REDIC1: variants seen among roughly 807,000 people sequenced by gnomAD.
REDIC1 encodes regulator of DNA class I crossover intermediates 1.
chr12:39,643,827 G>A, the REDIC1 span: 1 of 1,560,722 alleles, frequency 6.4e-7, no homozygotes, highest in South Asian at 1.1e-5. Flanking sequence ...ATCACTGGGA[G>A]TTTTATCTCC....
chr12:39,828,589 TTAC>T, the REDIC1 span, among the ~76,000 whole-genome samples: 1 of 152,164 alleles, frequency 6.6e-6, no homozygotes, highest in African/African-American at 2.4e-5. Flanking sequence ...TAGTGTCTCT[TTAC>T]TACTTAGTAG....
chr12:39,825,875 ATTAATT>A, the REDIC1 span, among the ~76,000 whole-genome samples: 1 of 152,024 alleles, frequency 6.6e-6, no homozygotes, highest in African/African-American at 2.4e-5. Flanking sequence ...CTGTTTAGTT[ATTAATT>A]TTAACATCTT....
At chr12:39,777,451 T>TA in the REDIC1 span, among the ~76,000 whole-genome samples, 1 of 152,058 alleles carries the variant, frequency 6.6e-6, no homozygotes, top group Non-Finnish European at 1.5e-5. Flanking sequence ...CTTTAAATGA[T>TA]ATGGAAGGGA....
At chr12:39,646,970 G>A in the REDIC1 span, 2 of 961,080 alleles carry the variant, frequency 2.1e-6, 1 homozygote, top group South Asian at 3.3e-5. Context: ...GAATACTGGA[G>A]AAAATTATTT....
chr12:39,883,673 T>C, the REDIC1 span, among the ~76,000 whole-genome samples: 1 of 152,226 alleles, frequency 6.6e-6, no homozygotes, highest in African/African-American at 2.4e-5. Flanking sequence ...GTAATGGCCT[T>C]AAAGGTTCAC....
At chr12:39,778,321 C>T in the REDIC1 span, among the ~76,000 whole-genome samples, 1 of 152,198 alleles carries the variant, frequency 6.6e-6, no homozygotes, top group Admixed American at 6.5e-5. Context: ...TGCCCATGTG[C>T]CACCTAGCTG....
the REDIC1 span, among the ~76,000 whole-genome samples, chr12:39,724,273 A>G: frequency 6.6e-6 from 1 of 152,138 alleles, no homozygotes; most frequent in Non-Finnish European, 1.5e-5. Context: ...TAGCATCGAT[A>G]TTGGTTGGGA....
At chr12:39,776,451 G>T in the REDIC1 span, among the ~76,000 whole-genome samples, 1 of 152,172 alleles carries the variant, frequency 6.6e-6, no homozygotes, top group Non-Finnish European at 1.5e-5. Context: ...CTTGGCAAGG[G>T]GTGGGTGCTG....
the REDIC1 span, among the ~76,000 whole-genome samples, chr12:39,801,730 C>T: frequency 6.6e-6 from 1 of 152,114 alleles, no homozygotes; most frequent in Non-Finnish European, 1.5e-5. Context: ...GATTCAGTTT[C>T]CTCATCTATA....
chr12:39,895,709 C>CACACATATGTATATGCGTGTATACGT, the REDIC1 span, among the ~76,000 whole-genome samples: 1 of 141,264 alleles, frequency 7.1e-6, no homozygotes, highest in African/African-American at 2.6e-5. Flanking sequence ...TGTATACGTA[C>CACACATATGTATATGCGTGTATACGT]ACACATATGT....
the REDIC1 span, among the ~76,000 whole-genome samples, chr12:39,711,558 T>A: frequency 4.7e-5 from 2 of 42,322 alleles, no homozygotes; most frequent in Non-Finnish European, 7.4e-5. Flanking sequence ...TGCATACACA[T>A]GCATGTGTAT....
the REDIC1 span, among the ~76,000 whole-genome samples, chr12:39,735,052 A>G: frequency 3.3e-5 from 5 of 152,244 alleles, no homozygotes; most frequent in African/African-American, 1.2e-4. Flanking sequence ...GAGAAACATG[A>G]AAGTTATTTT....
At chr12:39,856,948 C>T in the REDIC1 span, among the ~76,000 whole-genome samples, 3 of 152,170 alleles carry the variant, frequency 2.0e-5, no homozygotes, top group Admixed American at 6.5e-5. Context: ...ATACACCAGA[C>T]GCTGATTCCA....
At chr12:39,811,290 C>T in the REDIC1 span, among the ~76,000 whole-genome samples, 4 of 151,956 alleles carry the variant, frequency 2.6e-5, no homozygotes, top group Non-Finnish European at 5.9e-5. Context: ...TCATCTATTG[C>T]TTTTACATTT....
At chr12:39,828,837 G>A in the REDIC1 span, among the ~76,000 whole-genome samples, 2 of 151,098 alleles carry the variant, frequency 1.3e-5, no homozygotes, top group Non-Finnish European at 3.0e-5. Context: ...TATAAACTGA[G>A]TATTTTTAAA....
chr12:39,669,339 G>T, the REDIC1 span, among the ~76,000 whole-genome samples: 1 of 152,208 alleles, frequency 6.6e-6, no homozygotes, highest in African/African-American at 2.4e-5. Flanking sequence ...GTTTGCCTGG[G>T]TATCAGCAGG....
chr12:39,852,224 C>T, the REDIC1 span, among the ~76,000 whole-genome samples: 2 of 152,238 alleles, frequency 1.3e-5, no homozygotes. Context: ...CAAACTGAGT[C>T]CATAAGGGAG....
At chr12:39,863,157 C>T in the REDIC1 span, among the ~76,000 whole-genome samples, 1 of 152,076 alleles carries the variant, frequency 6.6e-6, no homozygotes, top group Non-Finnish European at 1.5e-5. Context: ...TAAAGGTAGG[C>T]TGTATCACTT....
chr12:39,784,307 C>T, the REDIC1 span, among the ~76,000 whole-genome samples: 1 of 152,160 alleles, frequency 6.6e-6, no homozygotes, highest in Non-Finnish European at 1.5e-5. Flanking sequence ...AGGCATCACG[C>T]TACCTGACTT....
Sources: gnomAD v4.1 joint callset for allele counts (sites outside exome capture counted in the v4.1 genomes callset) on GRCh38, gnomAD v4.1.1 for gene constraint, MANE v1.5 for transcripts, NCBI Gene and HGNC (gene_info 2026-07-23, HGNC 2026-07-21) for gene names.